Variants in CDH13 observed in about 807,000 individuals in gnomAD.
The protein encoded by CDH13 is cadherin-13.
A neutral mutation model predicts 63.8 loss-of-function variants in CDH13; 24 were observed. The observed-to-expected ratio is 0.38, with a 90% CI of 0.27 to 0.53. CDH13 has a LOEUF of 0.53. Ranked by LOEUF, CDH13 falls within the 20% of genes least tolerant of loss-of-function variation. The pLI is 0.85. For missense variants in CDH13, 1,049 were observed against 903.1 expected (o/e 1.16, Z -2.07); for synonymous variants, 503 against 355.3 (o/e 1.42, Z -4.67).
chr16:83,175,039 T>C (rs2038071841), intron 4 of CDH13, among the ~76,000 whole-genome samples: 1 of 152,044 alleles, frequency 6.6e-6, no homozygotes, highest in East Asian at 1.9e-4. Context: ...CCAAACCATA[T>C]CACCATGCTA....
intron 2 of CDH13, among the ~76,000 whole-genome samples, chr16:82,928,700 G>C (rs1050625307): frequency 2.0e-5 from 3 of 152,186 alleles, no homozygotes; most frequent in Non-Finnish European, 4.4e-5. Flanking sequence ...TTACAGATTT[G>C]AATGGATAAA....
chr16:83,067,200 C>A (rs986803346), intron 3 of CDH13, among the ~76,000 whole-genome samples: 1 of 152,166 alleles, frequency 6.6e-6, no homozygotes, highest in East Asian at 1.9e-4. Context: ...CCTATCAAAT[C>A]TTTCAGCAGC....
intron 1 of CDH13, among the ~76,000 whole-genome samples, chr16:82,684,292 T>C (rs373669992): frequency 6.6e-6 from 1 of 152,284 alleles, no homozygotes; most frequent in East Asian, 1.9e-4. Context: ...CATAAGGGTT[T>C]CCTTGATTAC....
chr16:83,319,727 G>T (rs2090181047), intron 5 of CDH13, among the ~76,000 whole-genome samples: 3 of 152,168 alleles, frequency 2.0e-5, no homozygotes, highest in South Asian at 4.1e-4. Context: ...AATATGCTGG[G>T]TGAGGAAGAC....
chr16:83,307,670 AT>A (rs1190204784), intron 5 of CDH13, among the ~76,000 whole-genome samples: 5 of 152,330 alleles, frequency 3.3e-5, no homozygotes, highest in African/African-American at 1.2e-4. Context: ...TGATTTAGCT[AT>A]GTTAATAATA....
At chr16:83,267,946 G>C (rs1421640425) in intron 5 of CDH13, among the ~76,000 whole-genome samples, 2 of 152,160 alleles carry the variant, frequency 1.3e-5, no homozygotes, top group Non-Finnish European at 2.9e-5. Flanking sequence ...TCACAGGTGA[G>C]GGAAATGAGA....
At chr16:83,501,766 C>T (rs1040838183) in intron 7 of CDH13, among the ~76,000 whole-genome samples, 1 of 152,172 alleles carries the variant, frequency 6.6e-6, no homozygotes, top group Non-Finnish European at 1.5e-5. Flanking sequence ...TAAAGAAAAG[C>T]ACGGGACATA....
intron 13 of CDH13, among the ~76,000 whole-genome samples, chr16:83,785,958 C>T (rs956654554): frequency 1.3e-5 from 2 of 152,072 alleles, no homozygotes; most frequent in African/African-American, 4.8e-5. Flanking sequence ...CTGGTTCCTT[C>T]GGTTCACAAC....
At chr16:82,691,482 A>G (rs113281577) in intron 1 of CDH13, among the ~76,000 whole-genome samples, 79 of 152,304 alleles carry the variant, frequency 5.2e-4, no homozygotes, top group African/African-American at 1.7e-3. Flanking sequence ...GGCCTGTGCC[A>G]TTAACTTCGG....
chr16:82,962,375 G>A (rs546703118), intron 2 of CDH13, among the ~76,000 whole-genome samples: 1 of 152,294 alleles, frequency 6.6e-6, no homozygotes, highest in Admixed American at 6.5e-5. Context: ...CTGACACCTT[G>A]ATTTAGGTCT....
At chr16:83,551,670 G>C (rs1243955586) in intron 7 of CDH13, among the ~76,000 whole-genome samples, 1 of 152,086 alleles carries the variant, frequency 6.6e-6, no homozygotes, top group African/African-American at 2.4e-5. Flanking sequence ...TTTAAGATGT[G>C]TCATCTGGGG....
intron 7 of CDH13, among the ~76,000 whole-genome samples, chr16:83,544,117 C>G (rs542296636): frequency 3.9e-5 from 6 of 152,308 alleles, no homozygotes; most frequent in African/African-American, 1.4e-4. Context: ...CACCCTCTCA[C>G]TGAATGTGAG....
Position 82,804,433 on chromosome 16 carries a change from A to G in CDH13, c.46-53929A>G, listed in dbSNP as rs990985157. On this transcript the variant is annotated intron_variant, in intron 1 of 13. Coordinates refer to ENST00000567109, the MANE Select transcript of CDH13 (RefSeq NM_001257.5). ...GCATATATAAAACATATCAAATTGT[A>G]TACATTTAACATGTGCAGTTTTATT... Among the ~76,000 whole-genome samples the G allele has an allele frequency of 2.6e-5, 4 of 152,204 alleles. No homozygotes were observed. In the East Asian group the frequency reaches 5.8e-4, roughly 22 times the overall value.
chr16:83,052,240 A>T lies in CDH13; in HGVS notation c.366+20022A>T, dbSNP rs148624684. ...ACCTAATGATACATTATTTTCTGTT[A>T]TAAAACTTCAAGGTTTTTGAATGCA... On this transcript the variant is annotated intron_variant, in intron 3 of 13. Coordinates refer to ENST00000567109, the MANE Select transcript of CDH13 (RefSeq NM_001257.5). Among the ~76,000 whole-genome samples the T allele has an allele frequency of 2.6e-3, 401 of 152,338 alleles. 1 individual carries two copies. Among genetic ancestry groups the T allele is most frequent in the Middle Eastern group, 0.01 (3 of 294 alleles).
At chr16:83,007,509 C>CA (rs1913654059) in intron 2 of CDH13, among the ~76,000 whole-genome samples, 1 of 152,096 alleles carries the variant, frequency 6.6e-6, no homozygotes, top group African/African-American at 2.4e-5. Flanking sequence ...ATAAATTTCC[C>CA]TAAGGGCTAA....
intron 6 of CDH13, among the ~76,000 whole-genome samples, chr16:83,361,152 C>T (rs1311819064): frequency 2.0e-5 from 3 of 152,144 alleles, no homozygotes; most frequent in African/African-American, 7.2e-5. Context: ...CATGGTGTCT[C>T]ATTGTGGTTT....
intron 1 of CDH13, among the ~76,000 whole-genome samples, chr16:82,632,886 A>G (rs552579832): frequency 6.6e-6 from 1 of 152,084 alleles, no homozygotes; most frequent in African/African-American, 2.4e-5. Flanking sequence ...GATGGGAGAC[A>G]CTGACAGATC....
At chr16:83,154,931 A>G (rs1188432736) in intron 4 of CDH13, among the ~76,000 whole-genome samples, 1 of 152,274 alleles carries the variant, frequency 6.6e-6, no homozygotes, top group Non-Finnish European at 1.5e-5. Flanking sequence ...ATGTACAGAT[A>G]TAAAATCTGC....
intron 8 of CDH13, among the ~76,000 whole-genome samples, chr16:83,627,667 C>T (rs1211117064): frequency 6.6e-6 from 1 of 152,162 alleles, no homozygotes; most frequent in African/African-American, 2.4e-5. Flanking sequence ...CCTCTCACCT[C>T]AGCCCCCCAA....
Sources: gnomAD v4.1 joint callset for allele counts (sites outside exome capture counted in the v4.1 genomes callset) on GRCh38, gnomAD v4.1.1 for gene constraint, MANE v1.5 for transcripts, NCBI Gene and HGNC (gene_info 2026-07-23, HGNC 2026-07-21) for gene names.